TAS2R39: variants seen among roughly 807,000 people sequenced by gnomAD.
The protein encoded by TAS2R39 is taste 2 receptor member 39.
In TAS2R39, 22 loss-of-function variants were observed where a neutral mutation model predicts 20.5. That is an observed-to-expected ratio of 1.08 (90% CI 0.77 to 1.54). TAS2R39 has a LOEUF of 1.54. Ranked by LOEUF, TAS2R39 falls within the 40% of genes most tolerant of loss-of-function variation. The pLI is 0.00. For missense variants in TAS2R39, 362 were observed against 398.6 expected (o/e 0.91, Z 0.78); for synonymous variants, 128 against 147.7 (o/e 0.87, Z 0.97).
rs987977586 is a variant in TAS2R39 at position 143,183,630 on chromosome 7, C to G, written c.212C>G (p.Thr71Arg). 8.7e-6 allele frequency: 14 copies of G among 1,613,402 alleles called. No homozygotes were observed. Among genetic ancestry groups the G allele is most frequent in the Non-Finnish European group, 1.2e-5 (14 of 1,179,572 alleles). The change falls in exon 1 of 1, where the codon ACA (threonine) becomes AGA (arginine). Residue 71 changes from threonine (T) to arginine (R), a missense_variant. Thr to Arg is a moderately conservative substitution (Grantham distance 71, BLOSUM62 -1). Coordinates refer to ENST00000446620, the MANE Select transcript of TAS2R39 (RefSeq NM_176881.2). ...TGGGTTCAAAATAAGGCAGTTTCCA[C>G]AAGTGGCAGGATCCTGGTTTTCCTG... ...AEWVQNKAVS[T>R]SGRILVFLSV...
Position 143,183,726 on chromosome 7 carries a change from TTTATTC to T in TAS2R39, c.310_315del (p.Tyr104_Ser105del). On this transcript the variant is annotated inframe_deletion, in exon 1 of 1. Transcript: ENST00000446620. ...ACCATCAGCTCAACCTCCCTAAGTT[TTTATTC>T]TGAAGACGCTGTATATTATGCATTC... The T allele has an allele frequency of 6.2e-7, 1 of 1,613,416 alleles. No homozygotes were observed. Among genetic ancestry groups the T allele is most frequent in the Non-Finnish European group, 8.5e-7 (1 of 1,179,604 alleles).
At position 143,183,842 on chromosome 7, in the gene TAS2R39, T is replaced by C; in HGVS notation, c.424T>C (p.Phe142Leu). 1 of 1,613,584 alleles carries C rather than the reference T, an allele frequency of 6.2e-7. No individual in the cohort carries two copies. Among genetic ancestry groups the C allele is most frequent in the East Asian group, 2.2e-5 (1 of 44,890 alleles). ...CTTCTACTTTGTGAAGATTGCCAAT[T>C]TCTCCTACCCCCTTTTCCTCAAACT... ...SFFYFVKIANFSYPLFLKLRW... is the reference protein window; with the variant it reads ...SFFYFVKIANLSYPLFLKLRW... Residue 142 changes from phenylalanine to leucine, a missense_variant, in exon 1 of 1, where the codon TTC becomes CTC. Transcript: ENST00000446620.
In TAS2R39 at chr7:143,184,309, G is replaced by A. The variant is rs562367327; in HGVS notation, c.891G>A (p.Gln297=). ...DINSLWNNLC[Q]IIMAAYPASH... is the part of the protein sequence containing the mutation. Reference sequence around the variant, plus strand: ...ACAGTCTGTGGAATAATTTGTGCCAGATCATCATGGCTGCCTACCCTGCCA... The same window carrying A: ...ACAGTCTGTGGAATAATTTGTGCCAAATCATCATGGCTGCCTACCCTGCCA... The change falls in exon 1 of 1, where the codon CAG becomes CAA. Residue 297 remains glutamine (Q), a synonymous_variant. Coordinates refer to ENST00000446620, the MANE Select transcript of TAS2R39 (RefSeq NM_176881.2). The A allele has an allele frequency of 2.4e-5, 38 of 1,613,674 alleles. No homozygotes were observed. The South Asian group carries it at 3.5e-4, about 15-fold the overall frequency.
chr7:143,183,518 A>G lies in TAS2R39; in HGVS notation c.100A>G (p.Ile34Val). ...PAESELSPFL[I>V]TLILAVLLAE... ...AGAAAGTGAATTGTCGCCATTTCTC[A>G]TCACCTTAATTTTAGCAGTTTTACT... The change falls in exon 1 of 1, where the codon ATC (isoleucine) becomes GTC (valine). Residue 34 changes from isoleucine to valine, a missense_variant. Physicochemically the swap from Ile to Val is conservative, Grantham distance 29 (BLOSUM62 3). Transcript: ENST00000446620. 1.2e-6 allele frequency: 2 copies of G among 1,613,384 alleles called. No individual in the cohort carries two copies. Among genetic ancestry groups the G allele is most frequent in the South Asian group, 2.2e-5 (2 of 91,080 alleles).
At position 143,183,503 on chromosome 7, in the gene TAS2R39, T is replaced by C. The variant is rs747325253; in HGVS notation, c.85T>C (p.Leu29=). The C allele has an allele frequency of 1.9e-6, 3 of 1,613,214 alleles. No homozygotes were observed. In the South Asian group the frequency reaches 3.3e-5, roughly 18 times the overall value. ...TKLCDPAESE[L]SPFLITLILA... ...ACTCTGCGATCCTGCAGAAAGTGAA[T>C]TGTCGCCATTTCTCATCACCTTAAT... The change falls in exon 1 of 1, where the codon TTG becomes CTG. Residue 29 remains leucine, a synonymous_variant. Coordinates refer to ENST00000446620, the MANE Select transcript of TAS2R39 (RefSeq NM_176881.2).
At chr7:143,184,202 A>T in the TAS2R39 span, 1 of 1,613,758 alleles carries the variant, frequency 6.2e-7, no homozygotes, top group Non-Finnish European at 8.5e-7. Context: ...GGGGGCCATC[A>T]AAGCTATCAG....
chr7:143,183,546 C>A lies in TAS2R39; in HGVS notation c.128C>A (p.Ala43Asp). Residue 43 changes from alanine to aspartate, a missense_variant, in exon 1 of 1, where the codon GCT (alanine) becomes GAT (aspartate). Coordinates refer to ENST00000446620, the MANE Select transcript of TAS2R39 (RefSeq NM_176881.2). ...LITLILAVLLAEYLIGIIANG... is the reference protein window; with the variant it reads ...LITLILAVLLDEYLIGIIANG... ...ACCTTAATTTTAGCAGTTTTACTTG[C>A]TGAATACCTCATTGGTATCATTGCA... 6.2e-7 allele frequency: 1 copy of A among 1,613,436 alleles called. No individual in the cohort carries two copies. Among genetic ancestry groups the A allele is most frequent in the Non-Finnish European group, 8.5e-7 (1 of 1,179,548 alleles).
chr7:143,183,650 T>C lies in TAS2R39; in HGVS notation c.232T>C (p.Phe78Leu). 6.2e-7 allele frequency: 1 copy of C among 1,613,634 alleles called. No individual in the cohort carries two copies. Among genetic ancestry groups the C allele is most frequent in the Non-Finnish European group, 8.5e-7 (1 of 1,179,638 alleles). ...AVSTSGRILV[F>L]LSVSRIALQS... The stretch of plus-strand genomic sequence containing the variant: ...TTCCACAAGTGGCAGGATCCTGGTT[T>C]TCCTGAGTGTATCCAGAATAGCTCT... Residue 78 changes from phenylalanine to leucine, a missense_variant, in exon 1 of 1, where the codon TTC becomes CTC. By Grantham distance (22) the Phe-to-Leu change is conservative (BLOSUM62 0). Transcript: ENST00000446620.
Position 143,183,936 on chromosome 7 carries a change from G to A in TAS2R39, c.518G>A (p.Ser173Asn), listed in dbSNP as rs1182490420. Residue 173 changes from serine (S) to asparagine (N), a missense_variant, in exon 1 of 1, where the codon AGC (serine) becomes AAC (asparagine). Transcript: ENST00000446620. ...TCCGTGTTTATTTCCTTCAGTCACA[G>A]CATGTTCTGCATCAACATCTGCACT... ...WLSVFISFSHSMFCINICTVY... is the reference protein window; with the variant it reads ...WLSVFISFSHNMFCINICTVY... 7 of 1,613,322 alleles carry A rather than the reference G, an allele frequency of 4.3e-6. No homozygotes were observed. The highest frequency in any genetic ancestry group is 1.3e-5 in the African/African-American group (1 of 74,844).
rs527513580 is a variant in TAS2R39, at chr7:143,183,956, T to C, written c.538T>C (p.Cys180Arg). 3 of 1,613,516 alleles carry C rather than the reference T, an allele frequency of 1.9e-6. 1 individual carries two copies. The highest frequency in any genetic ancestry group is 3.3e-5 in the Admixed American group (2 of 59,978). ...TCACAGCATGTTCTGCATCAACATC[T>C]GCACTGTGTATTGTAACAATTCTTT... ...FSHSMFCINI[C>R]TVYCNNSFPI... The change falls in exon 1 of 1, where the codon TGC becomes CGC. Residue 180 changes from cysteine (C) to arginine (R), a missense_variant. Transcript: ENST00000446620.
rs1799818831 is a variant in TAS2R39, at chr7:143,184,133, A to G, written c.715A>G (p.Thr239Ala). Residue 239 changes from threonine (T) to alanine (A), a missense_variant, in exon 1 of 1, where the codon ACC (threonine) becomes GCC (alanine). Physicochemically the swap from Thr to Ala is moderately conservative, Grantham distance 58. Coordinates refer to ENST00000446620, the MANE Select transcript of TAS2R39 (RefSeq NM_176881.2). Reference sequence around the variant, plus strand: ...GCTGATCCTCTCTCTCAAGAGACACACCCTACACATGGGAAGCAATGCCAC... The same window carrying G: ...GCTGATCCTCTCTCTCAAGAGACACGCCCTACACATGGGAAGCAATGCCAC... ...TLLILSLKRH[T>A]LHMGSNATGS... 2 of 1,613,514 alleles carry G rather than the reference A, an allele frequency of 1.2e-6. No homozygotes were observed. The highest frequency in any genetic ancestry group is 1.6e-4 in the Middle Eastern group (1 of 6,084).
rs201328763 is a variant in TAS2R39, at chr7:143,183,913, C to T, written c.495C>T (p.Ser165=). 68 of 1,613,406 alleles carry T rather than the reference C, an allele frequency of 4.2e-5. No homozygotes were observed. The highest frequency in any genetic ancestry group is 5.3e-5 in the Non-Finnish European group (63 of 1,179,586). ...TGATACCCTGGCTTCTGTGGCTGTC[C>T]GTGTTTATTTCCTTCAGTCACAGCA... ...TGLIPWLLWL[S]VFISFSHSMF... The change falls in exon 1 of 1, where the codon TCC becomes TCT. Residue 165 remains serine, a synonymous_variant. Coordinates refer to ENST00000446620, the MANE Select transcript of TAS2R39 (RefSeq NM_176881.2).
chr7:143,183,770 A>T lies in TAS2R39; in HGVS notation c.352A>T (p.Ile118Leu), dbSNP rs373976967. The T allele has an allele frequency of 1.9e-6, 3 of 1,613,240 alleles. No homozygotes were observed. The change falls in exon 1 of 1, where the codon ATA becomes TTA. Residue 118 changes from isoleucine to leucine, a missense_variant. By Grantham distance (5) the Ile-to-Leu change is conservative (BLOSUM62 2). Coordinates refer to ENST00000446620, the MANE Select transcript of TAS2R39 (RefSeq NM_176881.2). ...ATATTATGCATTCAAAATAAGTTTT[A>T]TATTCTTAAATTTTTGTAGCCTGTG... is the stretch of plus-strand genomic sequence containing the variant. ...AVYYAFKISF[I>L]FLNFCSLWFA...
In TAS2R39 at chr7:143,183,754, A is replaced by C. The variant is rs746386724; in HGVS notation, c.336A>C (p.Ala112=). The C allele has an allele frequency of 1.2e-5, 20 of 1,613,322 alleles. No individual in the cohort carries two copies. Among genetic ancestry groups the C allele is most frequent in the Non-Finnish European group, 1.5e-5 (18 of 1,179,588 alleles). ...ATTCTGAAGACGCTGTATATTATGCATTCAAAATAAGTTTTATATTCTTAA... is the reference window on the plus strand; with the variant it reads ...ATTCTGAAGACGCTGTATATTATGCCTTCAAAATAAGTTTTATATTCTTAA... ...SFYSEDAVYY[A]FKISFIFLNF... The change falls in exon 1 of 1, where the codon GCA becomes GCC. Residue 112 remains alanine, a synonymous_variant. Coordinates refer to ENST00000446620, the MANE Select transcript of TAS2R39 (RefSeq NM_176881.2).
chr7:143,183,923 T>A lies in TAS2R39; in HGVS notation c.505T>A (p.Ser169Thr). Residue 169 changes from serine (S) to threonine (T), a missense_variant, in exon 1 of 1, where the codon TCC becomes ACC. Ser to Thr is a moderately conservative substitution (Grantham distance 58). Transcript: ENST00000446620. The part of the protein sequence containing the change: ...PWLLWLSVFI[S>T]FSHSMFCINI... ...GCTTCTGTGGCTGTCCGTGTTTATT[T>A]CCTTCAGTCACAGCATGTTCTGCAT... 2 of 1,613,548 alleles carry A rather than the reference T, an allele frequency of 1.2e-6. No homozygotes were observed. Among genetic ancestry groups the A allele is most frequent in the South Asian group, 2.2e-5 (2 of 91,076 alleles).
At position 143,183,969 on chromosome 7, in the gene TAS2R39, G is replaced by A. The variant is rs778389499; in HGVS notation, c.551G>A (p.Cys184Tyr). The A allele has an allele frequency of 4.3e-6, 7 of 1,613,320 alleles. No homozygotes were observed. The highest frequency in any genetic ancestry group is 1.1e-5 in the South Asian group (1 of 91,062). The change falls in exon 1 of 1, where the codon TGT (cysteine) becomes TAT (tyrosine). Residue 184 changes from cysteine (C) to tyrosine (Y), a missense_variant. Physicochemically the swap from Cys to Tyr is radical, Grantham distance 194. Coordinates refer to ENST00000446620, the MANE Select transcript of TAS2R39 (RefSeq NM_176881.2). ...MFCINICTVY[C>Y]NNSFPIHSSN... is the part of the protein sequence containing the mutation. ...TGCATCAACATCTGCACTGTGTATT[G>A]TAACAATTCTTTCCCTATCCACTCC...
Position 143,184,169 on chromosome 7 carries a change from G to A in TAS2R39, c.751G>A (p.Asp251Asn), listed in dbSNP as rs890745343. The change falls in exon 1 of 1, where the codon GAC (aspartate) becomes AAC (asparagine). Residue 251 changes from aspartate to asparagine, a missense_variant. Coordinates refer to ENST00000446620, the MANE Select transcript of TAS2R39 (RefSeq NM_176881.2). The part of the protein sequence containing the change: ...HMGSNATGSN[D>N]PSMEAHMGAI... ...GGGAAGCAATGCCACAGGGTCCAAC[G>A]ACCCCAGCATGGAGGCTCACATGGG... is the stretch of plus-strand genomic sequence containing the variant. 28 of 1,613,610 alleles carry A rather than the reference G, an allele frequency of 1.7e-5. 1 individual carries two copies. Among genetic ancestry groups the A allele is most frequent in the East Asian group, 2.2e-5 (1 of 44,900 alleles).
Position 143,184,076 on chromosome 7 carries a change from C to G in TAS2R39, c.658C>G (p.Pro220Ala), listed in dbSNP as rs775850511. The G allele has an allele frequency of 1.9e-6, 3 of 1,613,656 alleles. No individual in the cohort carries two copies. Among genetic ancestry groups the G allele is most frequent in the East Asian group, 2.2e-5 (1 of 44,874 alleles). The change falls in exon 1 of 1, where the codon CCT becomes GCT. Residue 220 changes from proline to alanine, a missense_variant. Physicochemically the swap from Pro to Ala is conservative, Grantham distance 27. Transcript: ENST00000446620. ...TTTCTTTAACCTGGGGATTGTGACT[C>G]CTCTGATCATGTTCATCCTGACAGC... ...AFFFNLGIVT[P>A]LIMFILTATL...
In TAS2R39 at chr7:143,183,802, T is replaced by C. The variant is rs1339101216; in HGVS notation, c.384T>C (p.Ala128=). The C allele has an allele frequency of 1.2e-6, 2 of 1,613,476 alleles. No individual in the cohort carries two copies. Among genetic ancestry groups the C allele is most frequent in the Admixed American group, 3.3e-5 (2 of 59,972 alleles). The change falls in exon 1 of 1, where the codon GCT becomes GCC. Residue 128 remains alanine, a synonymous_variant. Coordinates refer to ENST00000446620, the MANE Select transcript of TAS2R39 (RefSeq NM_176881.2). ...TAAATTTTTGTAGCCTGTGGTTTGC[T>C]GCCTGGCTCAGTTTCTTCTACTTTG... The part of the protein sequence containing the change: ...IFLNFCSLWF[A]AWLSFFYFVK...
Sources: allele counts gnomAD v4.1 joint callset, GRCh38; gene constraint gnomAD v4.1.1; transcripts MANE v1.5; gene names NCBI Gene and HGNC (gene_info 2026-07-23, HGNC 2026-07-21).